The following ANO10 variants were observed in gnomAD, a reference collection of about 807,000 sequenced individuals.
The protein encoded by ANO10 is anoctamin 10, also known as anoctamin-10.
Under a neutral mutation model 74.7 loss-of-function variants are expected in ANO10, and 77 were observed. The ratio of observed to expected loss-of-function variants is 1.03; its 90% confidence interval spans 0.86 to 1.25. The LOEUF (loss-of-function observed/expected upper bound fraction) is 1.25, where lower values mean the gene tolerates loss of function less well. Among genes scored for constraint, ANO10 ranks in the 50% most tolerant of loss-of-function variants. ANO10 has a pLI of 0.00. For missense variants in ANO10, 721 were observed against 778.1 expected (o/e 0.93, Z 0.87); for synonymous variants, 279 against 284.9 (o/e 0.98, Z 0.21).
chr3:43,507,110 A>T (rs1374073218), intron 11 of ANO10, among the ~76,000 whole-genome samples: 1 of 152,170 alleles, frequency 6.6e-6, no homozygotes, highest in Non-Finnish European at 1.5e-5. Context: ...TCATAAGAAA[A>T]AGGTGCTTTT....
chr3:43,566,128 G>T (rs537177515), intron 7 of ANO10, among the ~76,000 whole-genome samples: 1 of 152,124 alleles, frequency 6.6e-6, no homozygotes, highest in Admixed American at 6.5e-5. Context: ...CTTTTCCGAC[G>T]GGCTTAAAAA....
At chr3:43,626,914 A>T (rs2083497679), upstream of ANO10, among the ~76,000 whole-genome samples, 1 of 132,426 alleles carries the variant, frequency 7.6e-6, no homozygotes, top group Non-Finnish European at 1.6e-5. Flanking sequence ...AGAAAAGTCA[A>T]CCCACCCACC....
At chr3:43,682,055 C>A (rs1231913063) in intron 1 of ANO10, among the ~76,000 whole-genome samples, 1 of 152,084 alleles carries the variant, frequency 6.6e-6, no homozygotes, top group Non-Finnish European at 1.5e-5. Context: ...CAAAAGCTAG[C>A]AGAAGGCAAG....
chr3:43,386,648 C>CGTGTGTGTGTGT (rs36065814), intron 12 of ANO10, among the ~76,000 whole-genome samples: 171 of 139,992 alleles, frequency 1.2e-3, no homozygotes, highest in East Asian at 3.0e-3. Flanking sequence ...TAGGTGTGTA[C>CGTGTGTGTGTGT]GTGTGTGTGT....
chr3:43,534,570 A>G (rs751889766), intron 11 of ANO10, among the ~76,000 whole-genome samples: 6 of 152,132 alleles, frequency 3.9e-5, no homozygotes. Context: ...GTCTCTGTAG[A>G]ACATAATTCC....
chr3:43,690,969 C>T lies in ANO10; in HGVS notation c.-12+548G>A, dbSNP rs189850893. ...CCTGTCAGCCGGCTTCGAGATAAGTCCCGGCGCTTGCGCGGCGGCGGCTAT... is the reference window on the plus strand; with the variant it reads ...CCTGTCAGCCGGCTTCGAGATAAGTTCCGGCGCTTGCGCGGCGGCGGCTAT... On this transcript the variant is annotated intron_variant, in intron 1 of 3. Coordinates refer to the ANO10 transcript ENST00000413397. 158 of 1,567,596 alleles carry T rather than the reference C, an allele frequency of 1.0e-4. No homozygotes were observed. In the Middle Eastern group the frequency reaches 1.4e-3, roughly 14 times the overall value.
chr3:43,425,265 GCTAT>G (rs1240024994), intron 12 of ANO10, among the ~76,000 whole-genome samples: 1 of 143,426 alleles, frequency 7.0e-6, no homozygotes, highest in Non-Finnish European at 1.5e-5. Context: ...CTGGTCTCAA[GCTAT>G]CTGTCTGCCT....
intron 11 of ANO10, among the ~76,000 whole-genome samples, chr3:43,499,235 G>C (rs894273702): frequency 6.6e-6 from 1 of 152,142 alleles, no homozygotes; most frequent in African/African-American, 2.4e-5. Flanking sequence ...ATAGGGTACA[G>C]AGACCCTATC....
chr3:43,385,777 G>A (rs1016628324), intron 12 of ANO10, among the ~76,000 whole-genome samples: 3 of 151,574 alleles, frequency 2.0e-5, no homozygotes, highest in African/African-American at 7.3e-5. Context: ...AGGATGGGAG[G>A]GGAGTGAGGG....
At chr3:43,561,510 A>G in intron 8 of ANO10, 108 bp from the exon 9 acceptor site, 1 of 975,232 alleles carries the variant, frequency 1.0e-6, no homozygotes, top group Non-Finnish European at 1.5e-6. Flanking sequence ...CATAAATACA[A>G]TTATGCAACA....
Position 43,677,658 on chromosome 3 carries a change from G to A in ANO10, c.-12+13859C>T, listed in dbSNP as rs2084140287. Among the ~76,000 whole-genome samples the A allele has an allele frequency of 2.0e-5, 3 of 152,198 alleles. No individual in the cohort carries two copies. In the South Asian group the frequency reaches 6.2e-4, roughly 31 times the overall value. ...GGGGCCATTCACTCAGCTGCATTCA[G>A]GTGGTGGGCGGGCTGGGAATTCAAA... On this transcript the variant is annotated intron_variant, in intron 1 of 3. Transcript: ENST00000413397.
Position 43,561,291 on chromosome 3 carries a change from C to T in ANO10, c.1405G>A (p.Ala469Thr), listed in dbSNP as rs2080020438. The T allele has an allele frequency of 6.2e-7, 1 of 1,614,148 alleles. No individual in the cohort carries two copies. Among genetic ancestry groups the T allele is most frequent in the South Asian group, 1.1e-5 (1 of 91,082 alleles). The change falls in exon 9 of 13, where the codon GCT (alanine) becomes ACT (threonine). Residue 469 changes from alanine (A) to threonine (T), a missense_variant. By Grantham distance (58) the Ala-to-Thr change is moderately conservative. Transcript: ENST00000292246. ...HGVRVKRKVQALKADIDATLY... is the reference protein window; with the variant it reads ...HGVRVKRKVQTLKADIDATLY... ...GTAGCATCAATGTCTGCCTTTAAAG[C>T]CTGCACCTTCCTCTTCACCCGCACA...
chr3:43,451,897 A>C (rs2148997829), intron 11 of ANO10, among the ~76,000 whole-genome samples: 1 of 152,330 alleles, frequency 6.6e-6, no homozygotes, highest in South Asian at 2.1e-4. Flanking sequence ...AGTCACAGTG[A>C]GTAAGTGAAA....
intron 12 of ANO10, among the ~76,000 whole-genome samples, chr3:43,378,351 G>A (rs1262084205): frequency 1.3e-5 from 2 of 152,142 alleles, no homozygotes; most frequent in Non-Finnish European, 2.9e-5. Flanking sequence ...GTGGCAGAGG[G>A]GATTGGTTCC....
chr3:43,600,056 T>C (rs987379010), intron 3 of ANO10, among the ~76,000 whole-genome samples: 1 of 152,236 alleles, frequency 6.6e-6, no homozygotes, highest in Non-Finnish European at 1.5e-5. Flanking sequence ...TAGAATAATA[T>C]AAGTAAGTTA....
intron 11 of ANO10, among the ~76,000 whole-genome samples, chr3:43,531,358 T>G (rs1040307337): frequency 2.0e-5 from 3 of 152,214 alleles, no homozygotes; most frequent in Non-Finnish European, 4.4e-5. Context: ...TATAAATTAT[T>G]CCAGCTTTTT....
At chr3:43,407,434 C>T (rs1036206372) in intron 12 of ANO10, among the ~76,000 whole-genome samples, 5 of 152,196 alleles carry the variant, frequency 3.3e-5, no homozygotes, top group African/African-American at 1.2e-4. Context: ...ATGTTTCTCT[C>T]CCTAACCTGC....
chr3:43,690,950 A>T (rs774659838), intron 1 of ANO10: 5 of 1,546,642 alleles, frequency 3.2e-6, no homozygotes. Flanking sequence ...TCGGCCTGTC[A>T]GCCGGCTTCG....
chr3:43,402,720 C>G (rs1170198903), intron 12 of ANO10, among the ~76,000 whole-genome samples: 1 of 152,160 alleles, frequency 6.6e-6, no homozygotes, highest in Non-Finnish European at 1.5e-5. Context: ...CTTAGCCAGC[C>G]CAAGCTCAGG....
Sources: gnomAD v4.1 joint callset for allele counts (sites outside exome capture counted in the v4.1 genomes callset) on GRCh38, gnomAD v4.1.1 for gene constraint, MANE v1.5 for transcripts, NCBI Gene and HGNC (gene_info 2026-07-23, HGNC 2026-07-21) for gene names.